The following ATR variants were observed in gnomAD, a reference collection of about 807,000 sequenced individuals.
ATR encodes serine/threonine-protein kinase ATR.
A neutral mutation model predicts 305.3 loss-of-function variants in ATR; 142 were observed. The ratio of observed to expected loss-of-function variants is 0.47; its 90% CI spans 0.41 to 0.53. The LOEUF (loss-of-function observed/expected upper bound fraction) is 0.53, where lower values mean the gene tolerates loss of function less well. ATR is among the 20% of genes least tolerant of loss of function. The probability of loss-of-function intolerance (pLI) is 0.00; values close to 1 mark genes in which losing one functional copy is unlikely to be tolerated. For missense variants in ATR, 2,135 were observed against 3,133.1 expected, an observed-to-expected ratio of 0.68 and a Z score of 7.60; for synonymous variants, 1,050 against 1,068.1, an observed-to-expected ratio of 0.98 and a Z score of 0.33.
intron 16 of ATR, among the ~76,000 whole-genome samples, chr3:142,546,699 A>G (rs1343532319): frequency 1.3e-5 from 2 of 152,230 alleles, no homozygotes. Context: ...GAAGCAAAAA[A>G]GAAAATCAAG....
intron 42 of ATR, among the ~76,000 whole-genome samples, chr3:142,460,057 TA>T (rs1407655797): frequency 8.5e-5 from 13 of 152,172 alleles, no homozygotes; most frequent in African/African-American, 3.1e-4. Context: ...GTCATGCTCA[TA>T]AATAAAATAG....
intron 18 of ATR, 111 bp downstream of exon 18, chr3:142,540,793 T>C (rs2034022786): frequency 7.9e-7 from 1 of 1,272,044 alleles, no homozygotes; most frequent in Non-Finnish European, 1.1e-6. Flanking sequence ...ATAGTCTTTC[T>C]ACCTTATTTA....
At chr3:142,576,207 T>C (rs972688894) in intron 1 of ATR, among the ~76,000 whole-genome samples, 2 of 152,172 alleles carry the variant, frequency 1.3e-5, no homozygotes, top group Non-Finnish European at 2.9e-5. Context: ...AAACCAAGGA[T>C]GACTCCTAGG....
At chr3:142,498,835 T>C (rs1559940262) in intron 31 of ATR, 61 bp from the exon 32 acceptor site, 1 of 1,519,506 alleles carries the variant, frequency 6.6e-7, no homozygotes, top group Non-Finnish European at 9.1e-7. Flanking sequence ...GTCAGCTTTA[T>C]TTCATTAGAT....
Position 142,504,244 on chromosome 3 carries a change from G to A in ATR, c.5197-791C>T, listed in dbSNP as rs539780056. On this transcript the variant is annotated intron_variant, in intron 29 of 46. Transcript: ENST00000350721. ...GATTCTACAGGACCATTTTAGAGAC[G>A]TGCAGGTGGGTGAGTAGGTGTATAA... 5.9e-5 allele frequency among the ~76,000 whole-genome samples: 9 copies of A among 152,222 alleles called. 1 individual carries two copies. The East Asian group carries it at 1.5e-3, about 26-fold the overall frequency.
chr3:142,510,962 A>T (rs2032520363), intron 27 of ATR, among the ~76,000 whole-genome samples: 1 of 152,220 alleles, frequency 6.6e-6, no homozygotes, highest in Admixed American at 6.5e-5. Flanking sequence ...CAGGAAAAAA[A>T]CAGTGCAAGG....
At chr3:142,572,101 G>A (rs55764539) in intron 1 of ATR, among the ~76,000 whole-genome samples, 9,079 of 148,318 alleles carry the variant, frequency 0.061, 870 homozygotes, top group African/African-American at 0.21. Flanking sequence ...ACGGAGTCTC[G>A]CTCTGTCGCC....
intron 1 of ATR, among the ~76,000 whole-genome samples, chr3:142,575,448 G>C (rs905211774): frequency 6.8e-6 from 1 of 146,708 alleles, no homozygotes; most frequent in Non-Finnish European, 1.5e-5. Context: ...CACGCCACTG[G>C]AGAGGGCGAG....
In ATR at chr3:142,497,018, G is replaced by C. The variant is rs766428193; in HGVS notation, c.5733C>G (p.Asn1911Lys). 6.2e-7 allele frequency: 1 copy of C among 1,612,652 alleles called. No homozygotes were observed. Among genetic ancestry groups the C allele is most frequent in the South Asian group, 1.1e-5 (1 of 90,886 alleles). The change falls in exon 33 of 47, where the codon AAC (asparagine) becomes AAG (lysine). Residue 1911 changes from asparagine to lysine, a missense_variant. Around this residue, in one of 9 missense-constraint regions of ATR, gnomAD observed 30 missense variants for 26.7 expected, o/e 1.12. Coordinates refer to ENST00000350721, the MANE Select transcript of ATR (RefSeq NM_001184.4). ...AAAAAAGTAGTGTGAGAAACCTTTT[G>C]TTGAGGCTTAGTAAAGCCCTCCGGA... ...LALRRALLSL[N>K]KRPDYNEMVG...
At chr3:142,554,991 T>C (rs917331458) in intron 10 of ATR, among the ~76,000 whole-genome samples, 31 of 150,408 alleles carry the variant, frequency 2.1e-4, no homozygotes, top group Admixed American at 7.3e-4. Flanking sequence ...ACCCCAGCAC[T>C]TTGGGGGGAC....
chr3:142,548,908 T>C (rs1194407282), intron 15 of ATR, among the ~76,000 whole-genome samples: 1 of 152,212 alleles, frequency 6.6e-6, no homozygotes, highest in African/African-American at 2.4e-5. Flanking sequence ...TGGCATATAT[T>C]ATGAAACAAA....
intron 7 of ATR, chr3:142,559,037 TATAA>T (rs1439388686): frequency 1.1e-5 from 7 of 645,984 alleles, no homozygotes; most frequent in Non-Finnish European, 1.8e-5. Flanking sequence ...ACTTTGAAGT[TATAA>T]ATAATTTCTA....
intron 21 of ATR, among the ~76,000 whole-genome samples, chr3:142,525,920 CT>C (rs2033371815): frequency 6.6e-6 from 1 of 152,182 alleles, no homozygotes; most frequent in East Asian, 1.9e-4. Context: ...AAATAAACCT[CT>C]TCTTTTTAAT....
intron 24 of ATR, among the ~76,000 whole-genome samples, chr3:142,519,048 C>T (rs930904665): frequency 1.3e-5 from 2 of 151,980 alleles, no homozygotes; most frequent in African/African-American, 2.4e-5. Context: ...TTACTTATAC[C>T]TATCAAAGAA....
intron 28 of ATR, among the ~76,000 whole-genome samples, 166 bp from the exon 29 acceptor site, chr3:142,505,469 T>C (rs1400623085): frequency 6.6e-6 from 1 of 152,192 alleles, no homozygotes; most frequent in African/African-American, 2.4e-5. Flanking sequence ...AATTATAAAC[T>C]TATTTCCAGG....
In ATR at chr3:142,558,621, T is replaced by TA. The variant is rs1267827146; in HGVS notation, c.1885+2dup. 6.2e-7 allele frequency: 1 copy of TA among 1,611,008 alleles called. No individual in the cohort carries two copies. The highest frequency in any genetic ancestry group is 8.5e-7 in the Non-Finnish European group (1 of 1,178,136). ...CCACACACACATTCTTGTGAGCACT[T>TA]ACAATAGCTATCTGAAATCCTACAG... On this transcript the variant is annotated splice_region_variant and intron_variant, in intron 8 of 46. Coordinates refer to ENST00000350721, the MANE Select transcript of ATR (RefSeq NM_001184.4).
chr3:142,466,535 T>C lies in ATR; in HGVS notation c.6688-2A>G, dbSNP rs2108273825. On this transcript the variant is annotated splice_acceptor_variant, in intron 39 of 46. Coordinates refer to ENST00000350721, the MANE Select transcript of ATR (RefSeq NM_001184.4). LOFTEE classifies it high-confidence loss of function. ...TAATGTGGAACTACTTCCATCAACC[T>C]GAAAAAATAAATAGTGCATTTTAAT... 1 of 1,610,920 alleles carries C rather than the reference T, an allele frequency of 6.2e-7. No individual in the cohort carries two copies. The highest frequency in any genetic ancestry group is 8.5e-7 in the Non-Finnish European group (1 of 1,177,852).
chr3:142,512,602 T>C, intron 26 of ATR, 132 bp from the exon 27 acceptor site: 4 of 714,442 alleles, frequency 5.6e-6, no homozygotes, highest in Non-Finnish European at 8.4e-6. Context: ...CATGTTGGCC[T>C]GTAATCCCAG....
At chr3:142,565,651 T>G (rs542051730) in intron 3 of ATR, among the ~76,000 whole-genome samples, 1 of 145,008 alleles carries the variant, frequency 6.9e-6, no homozygotes, top group Non-Finnish European at 1.5e-5. Flanking sequence ...GTCCCAGGTA[T>G]GCAGGAGGCT....
Sources: gnomAD v4.1 joint callset for allele counts (sites outside exome capture counted in the v4.1 genomes callset) on GRCh38, gnomAD v4.1.1 for gene constraint, gnomAD v4.1.1 regional missense constraint, MANE v1.5 for transcripts, NCBI Gene and HGNC (gene_info 2026-07-23, HGNC 2026-07-21) for gene names.